HACD1: variants seen among roughly 807,000 people sequenced by gnomAD.
HACD1 encodes very-long-chain (3R)-3-hydroxyacyl-CoA dehydratase 1.
Under a neutral mutation model 32.0 loss-of-function variants are expected in HACD1, and 41 were observed. The ratio of observed to expected loss-of-function variants is 1.28; its 90% CI spans 1.00 to 1.66. The LOEUF is 1.66. Among genes scored for constraint, HACD1 ranks in the 40% most tolerant of loss-of-function variants. The pLI is 0.00. For synonymous variants in HACD1, 142 were observed against 139.0 expected (o/e 1.02, Z -0.15); for missense variants, 396 against 380.1 (o/e 1.04, Z -0.35).
chr10:17,603,990 T>C lies in HACD1; in HGVS notation c.315A>G (p.Arg105=). Residue 105 remains arginine, a synonymous_variant, in exon 2 of 7, where the codon AGA becomes AGG. Coordinates refer to ENST00000361271, the MANE Select transcript of HACD1 (RefSeq NM_014241.4). ...VRFYMEKGTH[R]GLYKSIQKTL... is the part of the protein sequence containing the mutation. ...TCTTCTGAATACTTTTATATAAACC[T>C]CTGTGTGTTCCTTTTTCCATATAAA... 6.2e-7 allele frequency: 1 copy of C among 1,609,972 alleles called. No individual in the cohort carries two copies. The highest frequency in any genetic ancestry group is 8.5e-7 in the Non-Finnish European group (1 of 1,178,994).
intron 5 of HACD1, among the ~76,000 whole-genome samples, chr10:17,598,398 A>G (rs932482723): frequency 1.3e-5 from 2 of 152,070 alleles, no homozygotes; most frequent in Non-Finnish European, 2.9e-5. Context: ...TTATATTTGA[A>G]CATGTATAAT....
chr10:17,600,441 A>G (rs530645834), intron 4 of HACD1, among the ~76,000 whole-genome samples: 2 of 152,028 alleles, frequency 1.3e-5, no homozygotes, highest in African/African-American at 2.4e-5. Flanking sequence ...CTAGGTTCAA[A>G]TGAGTCTCAT....
intron 1 of HACD1, among the ~76,000 whole-genome samples, chr10:17,609,623 C>A (rs1379570302): frequency 2.0e-5 from 3 of 152,088 alleles, no homozygotes; most frequent in Non-Finnish European, 4.4e-5. Context: ...ACTGACCACA[C>A]CAAGGGTTGG....
At chr10:17,608,578 C>T (rs1005858438) in intron 1 of HACD1, among the ~76,000 whole-genome samples, 2 of 152,026 alleles carry the variant, frequency 1.3e-5, no homozygotes, top group African/African-American at 4.8e-5. Context: ...CCTCAACCTC[C>T]CAGGTTCCAG....
rs1554816815 is a variant in HACD1 at position 17,603,958 on chromosome 10, T to A, written c.347A>T (p.Lys116Ile). ...GLYKSIQKTLKFFQTFALLEI... is the reference protein window; with the variant it reads ...GLYKSIQKTLIFFQTFALLEI... ...AAGCAAGGCAAATGTCTGGAAAAAT[T>A]TAAGTGTCTTCTGAATACTTTTATA... Residue 116 changes from lysine to isoleucine, a missense_variant, in exon 2 of 7, where the codon AAA becomes ATA. Physicochemically the swap from Lys to Ile is moderately radical, Grantham distance 102. Transcript: ENST00000361271. 1 of 1,611,134 alleles carries A rather than the reference T, an allele frequency of 6.2e-7. No individual in the cohort carries two copies. The highest frequency in any genetic ancestry group is 2.2e-5 in the East Asian group (1 of 44,834).
At chr10:17,600,094 C>A (rs1411877810) in intron 4 of HACD1, among the ~76,000 whole-genome samples, 1 of 152,160 alleles carries the variant, frequency 6.6e-6, no homozygotes, top group Non-Finnish European at 1.5e-5. Flanking sequence ...TTATTCAACC[C>A]TTCTACCTAC....
chr10:17,604,372 T>C (rs1588989709), intron 1 of HACD1, among the ~76,000 whole-genome samples: 2 of 150,892 alleles, frequency 1.3e-5, no homozygotes, highest in Admixed American at 1.3e-4. Context: ...GAGTCCCAGC[T>C]ACTCAGGAGG....
intron 3 of HACD1, 34 bp downstream of exon 3, chr10:17,603,692 A>G (rs782085028): frequency 3.7e-6 from 6 of 1,603,546 alleles, no homozygotes; most frequent in Non-Finnish European, 5.1e-6. Flanking sequence ...AAGGCAATTT[A>G]TAATAAAAGT....
intron 1 of HACD1, among the ~76,000 whole-genome samples, chr10:17,608,978 A>G (rs1488813839): frequency 2.6e-5 from 4 of 152,166 alleles, no homozygotes; most frequent in African/African-American, 9.7e-5. Context: ...ACTAAGATTA[A>G]GACACCTGCT....
chr10:17,594,085 C>G (rs1484599547), intron 6 of HACD1, 120 bp downstream of exon 6: 1 of 948,870 alleles, frequency 1.1e-6, no homozygotes, highest in African/African-American at 1.7e-5. Context: ...GGAGTTAAAC[C>G]GAAGTTTTAA....
At chr10:17,590,564 C>T in intron 6 of HACD1, 118 bp from the exon 7 acceptor site, 1 of 636,040 alleles carries the variant, frequency 1.6e-6, no homozygotes. Context: ...CTGCTGTTCC[C>T]TGGATATTTA....
At chr10:17,615,715 C>G (rs2131526255) in intron 1 of HACD1, 1 of 342,910 alleles carries the variant, frequency 2.9e-6, no homozygotes, top group South Asian at 2.1e-5. Context: ...ACCTGTAATC[C>G]CAGCACATTG....
chr10:17,602,214 C>T (rs891401144), intron 4 of HACD1, among the ~76,000 whole-genome samples: 6 of 152,010 alleles, frequency 3.9e-5, no homozygotes, highest in East Asian at 1.9e-4. Context: ...GGATGGCAGG[C>T]GCCCGCCACC....
intron 4 of HACD1, among the ~76,000 whole-genome samples, chr10:17,601,113 A>G (rs1307770478): frequency 1.3e-5 from 2 of 151,460 alleles, no homozygotes; most frequent in Non-Finnish European, 2.9e-5. Flanking sequence ...AGCTCACTGC[A>G]ACCTCTGCCT....
rs1554816738 is a variant in HACD1, at chr10:17,603,643, C to T, written c.400G>A (p.Val134Ile). Residue 134 changes from valine to isoleucine, a missense_variant, in exon 4 of 7, where the codon GTA becomes ATA. Coordinates refer to ENST00000361271, the MANE Select transcript of HACD1 (RefSeq NM_014241.4). ...CCAGTCACAATCACAGAAGTAGGTACAATTCCTTAAAAAGAAAAACAAGTG... is the reference window on the plus strand; with the variant it reads ...CCAGTCACAATCACAGAAGTAGGTATAATTCCTTAAAAAGAAAAACAAGTG... ...LEIVHCLIGI[V>I]PTSVIVTGVQ... is the part of the protein sequence containing the mutation. 2 of 1,612,698 alleles carry T rather than the reference C, an allele frequency of 1.2e-6. No individual in the cohort carries two copies. Among genetic ancestry groups the T allele is most frequent in the Middle Eastern group, 1.7e-4 (1 of 6,056 alleles).
At chr10:17,613,406 C>A (rs1265010207) in intron 1 of HACD1, among the ~76,000 whole-genome samples, 2 of 152,126 alleles carry the variant, frequency 1.3e-5, no homozygotes, top group African/African-American at 2.4e-5. Flanking sequence ...GTTCTTGTCC[C>A]GATTTCAACA....
Position 17,617,081 on chromosome 10 carries a change from AC to A in HACD1, c.257+1del. Reference sequence around the variant, plus strand: ...CCCGAGGGTGCCCCGCGGCGCGCGTACCCCGCGGTCATGGCGATGTCGTAGA... The same window carrying A: ...CCCGAGGGTGCCCCGCGGCGCGCGTACCCGCGGTCATGGCGATGTCGTAGA... On this transcript the variant is annotated splice_donor_variant, in intron 1 of 6. Coordinates refer to ENST00000361271, the MANE Select transcript of HACD1 (RefSeq NM_014241.4). LOFTEE classifies it high-confidence loss of function. 1 of 1,480,998 alleles carries A rather than the reference AC, an allele frequency of 6.8e-7. No homozygotes were observed. The allele number at this position is 1,480,998 out of a possible 1,614,324, so 91.7% of individuals were successfully genotyped here.
chr10:17,608,722 A>G (rs1834183873), intron 1 of HACD1, among the ~76,000 whole-genome samples: 1 of 152,038 alleles, frequency 6.6e-6, no homozygotes, highest in Non-Finnish European at 1.5e-5. Flanking sequence ...CCTGACCTCA[A>G]GCGATCTGCC....
intron 5 of HACD1, among the ~76,000 whole-genome samples, chr10:17,595,672 G>A (rs1473975941): frequency 6.6e-6 from 1 of 151,844 alleles, no homozygotes; most frequent in Non-Finnish European, 1.5e-5. Context: ...TCCAATAAGA[G>A]GGGCCTAAAG....
Sources: gnomAD v4.1 joint callset for allele counts (sites outside exome capture counted in the v4.1 genomes callset) on GRCh38, gnomAD v4.1.1 for gene constraint, MANE v1.5 for transcripts, NCBI Gene and HGNC (gene_info 2026-07-23, HGNC 2026-07-21) for gene names.